CLPB: variants seen among roughly 807,000 people sequenced by gnomAD.
CLPB encodes ClpB family mitochondrial disaggregase, also known as mitochondrial disaggregase.
CLPB carries 40 observed loss-of-function variants against 78.4 expected under a neutral mutation model. The observed-to-expected ratio is 0.51, with a 90% CI of 0.40 to 0.66. The LOEUF is 0.66. Among genes scored for constraint, CLPB ranks in the 30% least tolerant of loss-of-function variants. CLPB has a pLI of 0.00. For synonymous variants in CLPB, 333 were observed against 348.0 expected (o/e 0.96, Z 0.48); for missense variants, 780 against 886.9 (o/e 0.88, Z 1.53).
intron 4 of CLPB, among the ~76,000 whole-genome samples, chr11:72,369,682 C>A (rs1211009638): frequency 6.6e-6 from 1 of 152,220 alleles, no homozygotes; most frequent in East Asian, 1.9e-4. Context: ...CCCAGCATCT[C>A]TACTAATAAA....
chr11:72,307,716 T>C (rs955829599), intron 8 of CLPB, among the ~76,000 whole-genome samples: 1 of 152,178 alleles, frequency 6.6e-6, no homozygotes, highest in Non-Finnish European at 1.5e-5. Flanking sequence ...CACTGTGGCT[T>C]CACGGTCCTT....
Position 72,285,926 on chromosome 11 carries a change from A to T in CLPB, c.*7441T>A. ...ACAGTTATCTTTTATTCAGACACTTATCCATGCTAATAGGCTTCTACTATA... is the reference window on the plus strand; with the variant it reads ...ACAGTTATCTTTTATTCAGACACTTTTCCATGCTAATAGGCTTCTACTATA... On this transcript the variant is annotated 3_prime_UTR_variant, in exon 16 of 16. Transcript: ENST00000538039. 6.7e-6 allele frequency: 1 copy of T among 149,520 alleles called. No homozygotes were observed. Among genetic ancestry groups the T allele is most frequent in the Non-Finnish European group, 1.5e-5 (1 of 67,668 alleles). 9.3% of individuals were successfully genotyped at this position (149,520 alleles called of 1,614,324 possible). A position where few individuals can be genotyped will look rare whatever the true frequency, so the allele number is the denominator to read the frequency against.
chr11:72,416,735 C>CAAAAAAAAAA (rs35655496), intron 2 of CLPB, among the ~76,000 whole-genome samples: 29 of 50,510 alleles, frequency 5.7e-4, no homozygotes, highest in African/African-American at 9.8e-4. Flanking sequence ...GACTCCGTCT[C>CAAAAAAAAAA]AAAAAAAAAA....
At chr11:72,352,142 C>G (rs112534808) in intron 5 of CLPB, among the ~76,000 whole-genome samples, 2 of 152,178 alleles carry the variant, frequency 1.3e-5, no homozygotes, top group African/African-American at 4.8e-5. Context: ...AAGCACTCTT[C>G]TGTTTGGCTT....
At chr11:72,326,860 A>C (rs1399273293) in intron 6 of CLPB, among the ~76,000 whole-genome samples, 1 of 152,226 alleles carries the variant, frequency 6.6e-6, no homozygotes, top group Non-Finnish European at 1.5e-5. Context: ...TGGAGGAAAA[A>C]TGCAGAACAG....
At chr11:72,297,636 G>GGTGTGTGTGTGTGTGTGTGTGTGT (rs67807556) in intron 11 of CLPB, among the ~76,000 whole-genome samples, 16 of 93,468 alleles carry the variant, frequency 1.7e-4, no homozygotes, top group Non-Finnish European at 2.7e-4. Flanking sequence ...TTGGGGACCA[G>GGTGTGTGTGTGTGTGTGTGTGTGT]GTGTGTGTGT....
rs1949428302 is a variant in CLPB, at chr11:72,289,611, C to T, written c.*3756G>A. 6.6e-6 allele frequency: 1 copy of T among 152,166 alleles called. No individual in the cohort carries two copies. The highest frequency in any genetic ancestry group is 1.5e-5 in the Non-Finnish European group (1 of 68,042). 9.4% of individuals were successfully genotyped at this position (152,166 alleles called of 1,614,324 possible). ...TATGAAACGGAGTCTTGCTCTGTCA[C>T]TCAGGCTGCAGTGCAGTGGTACAAT... On this transcript the variant is annotated 3_prime_UTR_variant, in exon 16 of 16. Coordinates refer to ENST00000538039, the MANE Select transcript of CLPB (RefSeq NM_001258392.3).
intron 9 of CLPB, 188 bp from the exon 10 acceptor site, chr11:72,302,536 T>C (rs1217611969): frequency 1.7e-6 from 1 of 590,178 alleles, no homozygotes; most frequent in African/African-American, 1.9e-5. Flanking sequence ...TTCCTACGAG[T>C]CCCTCATTCT....
At chr11:72,373,434 C>T (rs1478986567) in intron 4 of CLPB, among the ~76,000 whole-genome samples, 2 of 152,170 alleles carry the variant, frequency 1.3e-5, no homozygotes. Context: ...ATCAGCCAGC[C>T]ACAAGTGGAA....
chr11:72,344,510 G>A (rs1049933362), intron 5 of CLPB, among the ~76,000 whole-genome samples: 2 of 151,996 alleles, frequency 1.3e-5, no homozygotes, highest in Admixed American at 6.6e-5. Flanking sequence ...CACCATGCCT[G>A]GCCTTCTTTT....
intron 4 of CLPB, among the ~76,000 whole-genome samples, chr11:72,364,223 C>A (rs376478127): frequency 1.3e-5 from 2 of 152,128 alleles, no homozygotes; most frequent in East Asian, 1.9e-4. Flanking sequence ...GATGGAGTCT[C>A]ACTCTTGATG....
At chr11:72,421,995 T>C (rs891347925) in intron 2 of CLPB, among the ~76,000 whole-genome samples, 9 of 152,140 alleles carry the variant, frequency 5.9e-5, no homozygotes, top group East Asian at 1.9e-4. Flanking sequence ...TGGCCGGGCG[T>C]GGTGGCTCAC....
chr11:72,401,289 A>T (rs1855553432), intron 3 of CLPB, among the ~76,000 whole-genome samples: 1 of 152,160 alleles, frequency 6.6e-6, no homozygotes, highest in South Asian at 2.1e-4. Context: ...AATACAAAAA[A>T]AATTAGCTGG....
rs12416741 is a variant in CLPB at position 72,312,784 on chromosome 11, T to C, written c.989-4180A>G. On this transcript the variant is annotated intron_variant, in intron 7 of 15. Transcript: ENST00000538039. This position sits in a 1 kb window ranked among gnomAD's most constrained non-coding sequence, Gnocchi z 4.2. Reference sequence around the variant, plus strand: ...AAAGCTCTGTGCTAGGTGCGGCGGCTCTCACAAAGAGGCCTCAAAAAAGGT... The same window carrying C: ...AAAGCTCTGTGCTAGGTGCGGCGGCCCTCACAAAGAGGCCTCAAAAAAGGT... 0.1 allele frequency among the ~76,000 whole-genome samples: 15,286 copies of C among 152,150 alleles called. 1,343 individuals are homozygous for C. Among genetic ancestry groups the C allele is most frequent in the African/African-American group, 0.23 (9,618 of 41,482 alleles).
rs549324599 is a variant in CLPB, at chr11:72,337,545, T to TA, written c.776-7742dup. ...TCATCAAACAAAGATTCTGAGAAAG[T>TA]AGAGGCTCAGAAAACTAAAATAATT... On this transcript the variant is annotated intron_variant, in intron 5 of 15. Transcript: ENST00000538039. Among the ~76,000 whole-genome samples, 12 of 152,282 alleles carry TA rather than the reference T, an allele frequency of 7.9e-5. No individual in the cohort carries two copies. The South Asian group carries it at 2.5e-3, about 32-fold the overall frequency.
chr11:72,430,341 G>T lies in CLPB; in HGVS notation c.426C>A (p.Ala142=). 2 of 1,613,268 alleles carry T rather than the reference G, an allele frequency of 1.2e-6. No homozygotes were observed. Among genetic ancestry groups the T allele is most frequent in the Non-Finnish European group, 1.7e-6 (2 of 1,179,870 alleles). The change falls in exon 2 of 16, where the codon GCC becomes GCA. Residue 142 remains alanine, a synonymous_variant. Transcript: ENST00000538039. ...TGACTTCTTGCATATTGTTGGCACG[G>T]GCAGCTTCCAACAGGGCTGCATCTG... ...SNKDAALLEA[A]RANNMQEVSR... is the part of the protein sequence containing the mutation.
intron 4 of CLPB, among the ~76,000 whole-genome samples, chr11:72,362,104 G>A (rs1363874950): frequency 6.6e-6 from 1 of 152,160 alleles, no homozygotes; most frequent in African/African-American, 2.4e-5. Flanking sequence ...TCTTGCCTCT[G>A]AGCTTTTGTA....
At chr11:72,346,466 T>A (rs1182959245) in intron 5 of CLPB, among the ~76,000 whole-genome samples, 2 of 151,618 alleles carry the variant, frequency 1.3e-5, no homozygotes, top group Non-Finnish European at 2.9e-5. Context: ...TCTAGTACAA[T>A]TATCAACAAA....
intron 3 of CLPB, among the ~76,000 whole-genome samples, chr11:72,384,724 C>A (rs546727521): frequency 6.6e-6 from 1 of 151,724 alleles, no homozygotes; most frequent in African/African-American, 2.4e-5. Context: ...CAAATGGGAA[C>A]CAAAAGAGAG....
Sources: allele counts gnomAD v4.1 joint callset (sites outside exome capture counted in the v4.1 genomes callset), GRCh38; gene constraint gnomAD v4.1.1; non-coding constraint Gnocchi (gnomAD v3.1); transcripts MANE v1.5; gene names NCBI Gene and HGNC (gene_info 2026-07-23, HGNC 2026-07-21).